C4orf36: variants seen among roughly 807,000 people sequenced by gnomAD.
C4orf36 encodes the protein uncharacterized protein C4orf36.
A neutral mutation model predicts 12.2 loss-of-function variants in C4orf36; 11 were observed. The observed-to-expected ratio is 0.90, with a 90% CI of 0.57 to 1.49. The LOEUF is 1.49. Ranked by LOEUF, C4orf36 falls within the 40% of genes most tolerant of loss-of-function variation. C4orf36 has a pLI of 0.00. For synonymous variants in C4orf36, 54 were observed against 51.3 expected (o/e 1.05, Z -0.22); for missense variants, 137 against 133.9 (o/e 1.02, Z -0.11).
At chr4:86,902,506 A>G in the C4orf36 span, among the ~76,000 whole-genome samples, 1 of 152,042 alleles carries the variant, frequency 6.6e-6, no homozygotes, top group Non-Finnish European at 1.5e-5. Context: ...AAAAGCACCA[A>G]TACTGCTGAC....
the C4orf36 span, among the ~76,000 whole-genome samples, chr4:86,911,681 CTCTG>C: frequency 2.6e-5 from 4 of 152,130 alleles, no homozygotes; most frequent in African/African-American, 9.7e-5. Flanking sequence ...CTGTCTGTCT[CTCTG>C]TCTCTCTCTT....
intron 4 of C4orf36, among the ~76,000 whole-genome samples, chr4:86,878,456 C>G (rs1325090600): frequency 6.6e-6 from 1 of 152,104 alleles, no homozygotes; most frequent in Non-Finnish European, 1.5e-5. Flanking sequence ...CCTCACTCAC[C>G]AAGGAAGACA....
At chr4:86,890,643 C>T (rs540345644) in intron 2 of C4orf36, among the ~76,000 whole-genome samples, 34 of 152,200 alleles carry the variant, frequency 2.2e-4, no homozygotes, top group African/African-American at 7.2e-4. Context: ...TTTATAATCC[C>T]GTAGGGAATC....
At chr4:86,891,411 G>A (rs10011798) in intron 2 of C4orf36, 45 bp downstream of exon 2, 4 of 1,570,874 alleles carry the variant, frequency 2.5e-6, no homozygotes, top group Non-Finnish European at 2.6e-6. Context: ...ACTCCCCACC[G>A]CAGTCAATGC....
chr4:86,888,500 A>G (rs763915326), intron 2 of C4orf36, among the ~76,000 whole-genome samples: 2 of 152,240 alleles, frequency 1.3e-5, no homozygotes, highest in African/African-American at 4.8e-5. Context: ...AAATTACACC[A>G]GGAACTTTGA....
chr4:86,908,962 G>A, the C4orf36 span, among the ~76,000 whole-genome samples: 1 of 152,132 alleles, frequency 6.6e-6, no homozygotes, highest in Non-Finnish European at 1.5e-5. Context: ...GGAAGTGCTT[G>A]TACTTGGTGT....
At chr4:86,883,742 G>A (rs955714146) in intron 4 of C4orf36, among the ~76,000 whole-genome samples, 1 of 152,090 alleles carries the variant, frequency 6.6e-6, no homozygotes, top group African/African-American at 2.4e-5. Context: ...GATACTAGAA[G>A]ATCAGCCAGG....
rs570578836 is a variant in C4orf36 at position 86,887,979 on chromosome 4, C to T, written c.221-86G>A. ...AAAACTGAATATCATACAGCAAAAT[C>T]CATATGCCTGAATAATAAACAAGAT... On this transcript the variant is annotated intron_variant, in intron 3 of 4. Transcript: ENST00000295898. 282 of 1,565,522 alleles carry T rather than the reference C, an allele frequency of 1.8e-4. No individual in the cohort carries two copies. The African/African-American group carries it at 3.5e-3, about 20-fold the overall frequency.
At chr4:86,882,633 T>A (rs182775400) in intron 4 of C4orf36, among the ~76,000 whole-genome samples, 1 of 152,312 alleles carries the variant, frequency 6.6e-6, no homozygotes, top group Admixed American at 6.5e-5. Flanking sequence ...ACTACAGACC[T>A]TAAGCCAGTT....
chr4:86,913,700 G>A, the C4orf36 span: 3 of 1,603,628 alleles, frequency 1.9e-6, no homozygotes, highest in African/African-American at 4.0e-5. Context: ...AGGCCAGGCG[G>A]CTCCCACTGG....
intron 1 of C4orf36, 132 bp downstream of exon 1, chr4:86,892,051 C>G: frequency 3.0e-6 from 3 of 986,356 alleles, no homozygotes; most frequent in Non-Finnish European, 3.6e-6. Context: ...CGATTCGGGG[C>G]GAGTCCCCTA....
At chr4:86,901,894 G>A in the C4orf36 span, among the ~76,000 whole-genome samples, 1 of 152,158 alleles carries the variant, frequency 6.6e-6, no homozygotes, top group Non-Finnish European at 1.5e-5. Context: ...ACATGTGAAT[G>A]TGACCTTGTT....
chr4:86,926,870 G>C, the C4orf36 span, among the ~76,000 whole-genome samples: 1,491 of 152,244 alleles, frequency 9.8e-3, 20 homozygotes, highest in African/African-American at 0.034. Context: ...TTTTCCATCT[G>C]TTTAGCTGTG....
chr4:86,913,420 C>T, the C4orf36 span: 17 of 740,132 alleles, frequency 2.3e-5, no homozygotes, highest in South Asian at 8.6e-5. Flanking sequence ...CACCGTGTTG[C>T]GGTCCTCAGT....
chr4:86,894,043 C>A (rs1747533856), upstream of C4orf36, among the ~76,000 whole-genome samples: 1 of 151,746 alleles, frequency 6.6e-6, no homozygotes, highest in South Asian at 2.1e-4. Context: ...ACTACAGGCG[C>A]CCGCCACCAC....
intron 4 of C4orf36, among the ~76,000 whole-genome samples, chr4:86,877,897 T>C (rs532298822): frequency 3.3e-5 from 5 of 152,340 alleles, no homozygotes; most frequent in African/African-American, 1.2e-4. Context: ...ATATGCTATC[T>C]AGAATTTACT....
the C4orf36 span, among the ~76,000 whole-genome samples, chr4:86,899,137 GATAAAT>G: frequency 6.6e-6 from 1 of 152,100 alleles, no homozygotes; most frequent in African/African-American, 2.4e-5. Context: ...ACCTCCTAAT[GATAAAT>G]CTGTCTGAGG....
intron 2 of C4orf36, 150 bp downstream of exon 2, chr4:86,891,306 A>G (rs1423447371): frequency 1.5e-6 from 1 of 647,178 alleles, no homozygotes; most frequent in African/African-American, 1.8e-5. Context: ...AAAAAAAAAA[A>G]AAAAAAATCA....
intron 4 of C4orf36, chr4:86,887,270 A>G (rs1006463521): frequency 1.3e-5 from 2 of 152,122 alleles, no homozygotes; most frequent in Non-Finnish European, 2.9e-5. Context: ...AATAAAAAAT[A>G]TATATATTTA....
Sources: gnomAD v4.1 joint callset for allele counts (sites outside exome capture counted in the v4.1 genomes callset) on GRCh38, gnomAD v4.1.1 for gene constraint, MANE v1.5 for transcripts, NCBI Gene and HGNC (gene_info 2026-07-23, HGNC 2026-07-21) for gene names.